CFAP58: variants seen among roughly 807,000 people sequenced by gnomAD.
CFAP58 encodes the protein cilia- and flagella-associated protein 58.
A neutral mutation model predicts 119.5 loss-of-function variants in CFAP58; 88 were observed. The ratio of observed to expected loss-of-function variants is 0.74; its 90% CI spans 0.62 to 0.88. The LOEUF (loss-of-function observed/expected upper bound fraction) is 0.88, where lower values mean the gene tolerates loss of function less well. Among genes scored for constraint, CFAP58 ranks in the 40% least tolerant of loss-of-function variants. CFAP58 has a pLI of 0.00. For synonymous variants in CFAP58, 365 were observed against 366.3 expected, an observed-to-expected ratio of 1.00 and a Z score of 0.04; for missense variants, 990 against 1,021.2, an observed-to-expected ratio of 0.97 and a Z score of 0.42.
chr10:104,403,512 T>A (rs1044631088), intron 13 of CFAP58, among the ~76,000 whole-genome samples: 2 of 22,592 alleles, frequency 8.9e-5, no homozygotes, highest in African/African-American at 1.5e-3. Flanking sequence ...GCCCTGGCAC[T>A]TTTTTTTTTT....
In CFAP58 at chr10:104,450,180, A is replaced by G; in HGVS notation, c.2486A>G (p.Gln829Arg). 1 of 1,613,186 alleles carries G rather than the reference A, an allele frequency of 6.2e-7. No individual in the cohort carries two copies. Among genetic ancestry groups the G allele is most frequent in the Admixed American group, 1.7e-5 (1 of 59,836 alleles). Residue 829 changes from glutamine (Q) to arginine (R), a missense_variant, in exon 17 of 18, where the codon CAG (glutamine) becomes CGG (arginine). Gln to Arg is a conservative substitution (Grantham distance 43). Coordinates refer to ENST00000369704, the MANE Select transcript of CFAP58 (RefSeq NM_001008723.2). ...AATTTAAAGAAGAAATACCTCGCTC[A>G]GAAACGTAAAGAACAACTTCAAAAG... Reference protein sequence around the residue: ...LQNLKKKYLAQKRKEQLQKNK... With the variant: ...LQNLKKKYLARKRKEQLQKNK...
At chr10:104,425,836 A>G (rs1240914112) in intron 15 of CFAP58, among the ~76,000 whole-genome samples, 3 of 152,204 alleles carry the variant, frequency 2.0e-5, no homozygotes, top group African/African-American at 4.8e-5. Flanking sequence ...ACTGAGGCTA[A>G]AGGACCAGAT....
intron 3 of CFAP58, among the ~76,000 whole-genome samples, chr10:104,364,491 C>T (rs1448762264): frequency 6.6e-6 from 1 of 151,112 alleles, no homozygotes; most frequent in Non-Finnish European, 1.5e-5. Flanking sequence ...CATGAATAGA[C>T]ATTGTATTTT....
At chr10:104,431,608 T>A (rs1283998181) in intron 15 of CFAP58, among the ~76,000 whole-genome samples, 1 of 152,164 alleles carries the variant, frequency 6.6e-6, no homozygotes, top group Non-Finnish European at 1.5e-5. Flanking sequence ...TTTTGTCACA[T>A]TTGTTTCAGA....
chr10:104,451,822 G>T (rs1301219520), intron 17 of CFAP58, among the ~76,000 whole-genome samples: 1 of 152,166 alleles, frequency 6.6e-6, no homozygotes, highest in Non-Finnish European at 1.5e-5. Context: ...TCTGTCTCCG[G>T]GGTTGAAGCC....
At chr10:104,401,463 T>A (rs2133043935) in intron 13 of CFAP58, among the ~76,000 whole-genome samples, 1 of 152,372 alleles carries the variant, frequency 6.6e-6, no homozygotes, top group African/African-American at 2.4e-5. Context: ...TGCGCCTTCT[T>A]CTTTCTTTAA....
At chr10:104,410,235 G>T (rs575283794) in intron 15 of CFAP58, among the ~76,000 whole-genome samples, 10 of 152,110 alleles carry the variant, frequency 6.6e-5, no homozygotes, top group Admixed American at 1.3e-4. Flanking sequence ...GTAAGGATTT[G>T]GAATGCTTTA....
the CFAP58 span, among the ~76,000 whole-genome samples, chr10:104,346,872 G>A: frequency 6.6e-6 from 1 of 151,858 alleles, no homozygotes; most frequent in Non-Finnish European, 1.5e-5. Context: ...CTGACCTCAA[G>A]TGATCTCCCT....
intron 17 of CFAP58, among the ~76,000 whole-genome samples, chr10:104,453,186 C>G (rs1238482245): frequency 6.6e-6 from 1 of 152,134 alleles, no homozygotes; most frequent in Non-Finnish European, 1.5e-5. Flanking sequence ...GATGCCGCCT[C>G]TAACACCAGT....
chr10:104,343,313 C>T, the CFAP58 span, among the ~76,000 whole-genome samples: 14 of 152,166 alleles, frequency 9.2e-5, no homozygotes, highest in Non-Finnish European at 1.6e-4. Flanking sequence ...CCCACAGGGC[C>T]TTTAGAGATT....
chr10:104,442,513 G>T (rs771456067), intron 15 of CFAP58, among the ~76,000 whole-genome samples: 12 of 151,510 alleles, frequency 7.9e-5, no homozygotes, highest in African/African-American at 2.2e-4. Flanking sequence ...TCTTGAACCC[G>T]CGAGGTGGAG....
At chr10:104,350,906 C>T (rs2014452096), upstream of CFAP58, among the ~76,000 whole-genome samples, 1 of 152,192 alleles carries the variant, frequency 6.6e-6, no homozygotes, top group Non-Finnish European at 1.5e-5. Flanking sequence ...CTTATGAAAG[C>T]TCTTTTAGGA....
chr10:104,422,005 A>T (rs994135452), intron 15 of CFAP58, among the ~76,000 whole-genome samples: 2 of 151,986 alleles, frequency 1.3e-5, no homozygotes, highest in Non-Finnish European at 2.9e-5. Flanking sequence ...GGCCAATGTG[A>T]TGAAACCCTG....
upstream of CFAP58, chr10:104,353,057 C>A (rs2014483136): frequency 6.6e-6 from 1 of 151,946 alleles, no homozygotes; most frequent in African/African-American, 2.4e-5. Context: ...GAAAATAAAA[C>A]CAGAGAGGAG....
intron 15 of CFAP58, among the ~76,000 whole-genome samples, chr10:104,430,491 T>G (rs1444351763): frequency 5.9e-5 from 9 of 152,254 alleles, no homozygotes; most frequent in Admixed American, 5.9e-4. Context: ...ATTACAGAGC[T>G]TAATACACAA....
intron 15 of CFAP58, among the ~76,000 whole-genome samples, chr10:104,428,572 T>C (rs538642444): frequency 6.6e-6 from 1 of 152,292 alleles, no homozygotes; most frequent in Admixed American, 6.5e-5. Context: ...TCGTCACTGG[T>C]AAACATTTTA....
upstream of CFAP58, among the ~76,000 whole-genome samples, chr10:104,350,287 G>C (rs1279694718): frequency 1.3e-5 from 2 of 152,184 alleles, no homozygotes; most frequent in African/African-American, 4.8e-5. Context: ...CTAAATTAGG[G>C]GCTGACGCGA....
intron 15 of CFAP58, among the ~76,000 whole-genome samples, chr10:104,431,876 A>G (rs556401629): frequency 1.3e-5 from 2 of 152,300 alleles, no homozygotes; most frequent in East Asian, 3.9e-4. Context: ...TCCACACTCA[A>G]CGTTATATTT....
Position 104,399,466 on chromosome 10 carries a change from G to C in CFAP58, c.1781G>C (p.Gly594Ala). ...KLLRIIAEADGERLRQKKELD... is the reference protein window; with the variant it reads ...KLLRIIAEADAERLRQKKELD... ...CTGCGAATAATTGCTGAGGCTGACG[G>C]GGAGAGGTTGAGACAGAAGAAGGAA... The change falls in exon 12 of 18, where the codon GGG (glycine) becomes GCG (alanine). Residue 594 changes from glycine (G) to alanine (A), a missense_variant. Coordinates refer to ENST00000369704, the MANE Select transcript of CFAP58 (RefSeq NM_001008723.2). 1.2e-6 allele frequency: 2 copies of C among 1,613,768 alleles called. No homozygotes were observed. Among genetic ancestry groups the C allele is most frequent in the Non-Finnish European group, 1.7e-6 (2 of 1,179,858 alleles).
Sources: gnomAD v4.1 joint callset for allele counts (sites outside exome capture counted in the v4.1 genomes callset) on GRCh38, gnomAD v4.1.1 for gene constraint, MANE v1.5 for transcripts, NCBI Gene and HGNC (gene_info 2026-07-23, HGNC 2026-07-21) for gene names.